Variants in ADAMTSL1 observed in about 807,000 individuals in gnomAD.
The protein encoded by ADAMTSL1 is ADAMTS like 1.
ADAMTSL1 carries 126 observed loss-of-function variants against 201.8 expected under a neutral mutation model. The ratio of observed to expected loss-of-function variants is 0.62; its 90% CI spans 0.54 to 0.72. ADAMTSL1 has a LOEUF of 0.72. Ranked by LOEUF, ADAMTSL1 falls within the 30% of genes least tolerant of loss-of-function variation. ADAMTSL1 has a pLI of 0.00. For missense variants in ADAMTSL1, 2,679 were observed against 2,277.8 expected, an observed-to-expected ratio of 1.18 and a Z score of -3.59; for synonymous variants, 1,121 against 903.4, an observed-to-expected ratio of 1.24 and a Z score of -4.32.
At chr9:17,947,589 A>T (rs1588461445) in intron 1 of ADAMTSL1, among the ~76,000 whole-genome samples, 2 of 152,238 alleles carry the variant, frequency 1.3e-5, no homozygotes, top group South Asian at 4.1e-4. Context: ...CAATTGCAAT[A>T]TTGTCCGCCA....
intron 13 of ADAMTSL1, among the ~76,000 whole-genome samples, chr9:18,695,069 C>A (rs1313780249): frequency 6.6e-6 from 1 of 152,218 alleles, no homozygotes; most frequent in Non-Finnish European, 1.5e-5. Flanking sequence ...ATGGCTGGAG[C>A]TGGAGCAGCT....
intron 23 of ADAMTSL1, among the ~76,000 whole-genome samples, chr9:18,844,980 C>T (rs139212541): frequency 6.6e-6 from 1 of 152,356 alleles, no homozygotes; most frequent in Admixed American, 6.5e-5. Context: ...TCCCTGACCC[C>T]TTGCGCTTCC....
chr9:18,576,899 G>C (rs1822770866), intron 4 of ADAMTSL1, among the ~76,000 whole-genome samples: 1 of 151,888 alleles, frequency 6.6e-6, no homozygotes, highest in Admixed American at 6.6e-5. Context: ...GGAAACTGGA[G>C]GCTCAGGTCG....
chr9:18,122,485 G>T (rs1825543192), intron 1 of ADAMTSL1, among the ~76,000 whole-genome samples: 1 of 152,128 alleles, frequency 6.6e-6, no homozygotes, highest in Non-Finnish European at 1.5e-5. Flanking sequence ...AATGAGAAAT[G>T]ACAGCCTTAT....
At chr9:18,737,096 G>A (rs530125) in intron 15 of ADAMTSL1, among the ~76,000 whole-genome samples, 125,779 of 152,094 alleles carry the variant, frequency 0.83, 52,066 homozygotes, top group Non-Finnish European at 0.85. Context: ...AGGCAGGTGG[G>A]TCACCTGAGG....
rs116738576 is a variant in ADAMTSL1 at position 18,465,160 on chromosome 9, T to A, written c.208-39669T>A. 9.9e-3 allele frequency among the ~76,000 whole-genome samples: 1,508 copies of A among 152,284 alleles called. 25 individuals carry two copies. Among genetic ancestry groups the A allele is most frequent in the African/African-American group, 0.034 (1,424 of 41,558 alleles). ...CCGTTAATCAAAGCCAGGGGCATAATGTTTATTCACAGACTTTCCAAGGCA... is the reference window on the plus strand; with the variant it reads ...CCGTTAATCAAAGCCAGGGGCATAAAGTTTATTCACAGACTTTCCAAGGCA... On this transcript the variant is annotated intron_variant, in intron 2 of 29. Coordinates refer to the ADAMTSL1 transcript ENST00000680146.
chr9:18,289,153 C>G (rs1833146443), intron 2 of ADAMTSL1, among the ~76,000 whole-genome samples: 1 of 113,372 alleles, frequency 8.8e-6, no homozygotes, highest in South Asian at 3.3e-4. Flanking sequence ...ATCTATCTAT[C>G]TATCTATCTA....
chr9:18,740,870 A>G (rs759469614), intron 15 of ADAMTSL1, among the ~76,000 whole-genome samples: 75 of 152,108 alleles, frequency 4.9e-4, no homozygotes, highest in Non-Finnish European at 8.8e-4. Flanking sequence ...TCTGCCTGGA[A>G]TACCTTCTTT....
chr9:18,156,728 C>G (rs893565950), intron 1 of ADAMTSL1, among the ~76,000 whole-genome samples: 2 of 151,864 alleles, frequency 1.3e-5, no homozygotes, highest in Non-Finnish European at 2.9e-5. Context: ...GCCCATCCAC[C>G]TAGGATTGGA....
intron 2 of ADAMTSL1, among the ~76,000 whole-genome samples, chr9:18,450,514 A>G (rs756089509): frequency 3.3e-5 from 5 of 152,116 alleles, no homozygotes; most frequent in Non-Finnish European, 7.4e-5. Context: ...GTTAATATGT[A>G]GCTGCATGAA....
rs75527007 is a variant in ADAMTSL1, at chr9:18,826,508, G to T, written c.4114+45G>T. ...CTGCCTCTGCTGCACCCTGTTGGGAGTGACTATCTAACCCACCCTCTACCT... is the reference window on the plus strand; with the variant it reads ...CTGCCTCTGCTGCACCCTGTTGGGATTGACTATCTAACCCACCCTCTACCT... On this transcript the variant is annotated intron_variant, in intron 22 of 28. Transcript: ENST00000380548. The T allele has an allele frequency of 2.3e-3, 3,640 of 1,575,296 alleles. 132 individuals carry two copies. In the East Asian group the frequency reaches 0.075, roughly 32 times the overall value.
intron 3 of ADAMTSL1, among the ~76,000 whole-genome samples, chr9:18,572,068 G>A (rs1269012706): frequency 2.0e-5 from 3 of 152,022 alleles, no homozygotes; most frequent in Non-Finnish European, 2.9e-5. Context: ...GGGGGCACAT[G>A]CCTGTAATCC....
chr9:18,466,335 A>T (rs1471326596), intron 2 of ADAMTSL1, among the ~76,000 whole-genome samples: 1 of 152,090 alleles, frequency 6.6e-6, no homozygotes, highest in Non-Finnish European at 1.5e-5. Flanking sequence ...CTTGTATTCA[A>T]TTCTCCATGC....
At chr9:17,914,848 A>T (rs1826031288) in intron 1 of ADAMTSL1, among the ~76,000 whole-genome samples, 1 of 152,166 alleles carries the variant, frequency 6.6e-6, no homozygotes, top group African/African-American at 2.4e-5. Flanking sequence ...ATCAATGTAC[A>T]AAAATCACAA....
intron 2 of ADAMTSL1, among the ~76,000 whole-genome samples, chr9:18,292,435 G>A (rs900582178): frequency 9.2e-5 from 14 of 152,140 alleles, no homozygotes; most frequent in African/African-American, 2.2e-4. Context: ...AATATTGAGC[G>A]TCAACTTGAT....
chr9:18,297,078 C>T (rs537640446), intron 2 of ADAMTSL1, among the ~76,000 whole-genome samples: 1 of 152,162 alleles, frequency 6.6e-6, no homozygotes, highest in Admixed American at 6.5e-5. Flanking sequence ...CATTTTCCAA[C>T]TGGAATTTGC....
Position 18,391,824 on chromosome 9 carries a change from C to CTTTTTTTTTT in ADAMTSL1, c.208-112996_208-112987dup, listed in dbSNP as rs11407945. Among the ~76,000 whole-genome samples, 147 of 116,666 alleles carry CTTTTTTTTTT rather than the reference C, an allele frequency of 1.3e-3. 1 individual carries two copies. The highest frequency in any genetic ancestry group is 1.7e-3 in the Non-Finnish European group (99 of 59,970). 76.5% of individuals were successfully genotyped at this position (116,666 alleles called of 152,430 possible). On this transcript the variant is annotated intron_variant, in intron 2 of 29. Transcript: ENST00000680146. ...ACTACTTTTTTTCTTTCTTTTCTTT[C>CTTTTTTTTTT]TTTTTTTTTTTTTTTTTTGAGATGG...
chr9:18,389,941 T>C (rs1239686225), intron 2 of ADAMTSL1, among the ~76,000 whole-genome samples: 1 of 152,154 alleles, frequency 6.6e-6, no homozygotes, highest in Non-Finnish European at 1.5e-5. Context: ...ATCTTATGTA[T>C]TCACCTATAG....
At chr9:18,418,538 G>A (rs1818795372) in intron 2 of ADAMTSL1, among the ~76,000 whole-genome samples, 1 of 152,018 alleles carries the variant, frequency 6.6e-6, no homozygotes, top group Non-Finnish European at 1.5e-5. Context: ...AAGATGATTG[G>A]ACAAAAATTA....
Sources: allele counts gnomAD v4.1 joint callset (sites outside exome capture counted in the v4.1 genomes callset), GRCh38; gene constraint gnomAD v4.1.1; transcripts MANE v1.5; gene names NCBI Gene and HGNC (gene_info 2026-07-23, HGNC 2026-07-21).